RAB36: variants seen among roughly 807,000 people sequenced by gnomAD.
RAB36 encodes RAB36, member RAS oncogene family.
RAB36 carries 33 observed loss-of-function variants against 39.3 expected under a neutral mutation model. That is an observed-to-expected ratio of 0.84 (90% CI 0.64 to 1.12). RAB36 has a LOEUF of 1.12. RAB36 is among the 50% of genes most tolerant of loss of function. RAB36 has a pLI of 0.00. For missense variants in RAB36, 308 were observed against 355.3 expected (o/e 0.87, Z 1.07); for synonymous variants, 133 against 140.2 (o/e 0.95, Z 0.36).
At position 23,163,002 on chromosome 22, in the gene RAB36, C is replaced by A. The variant is rs2071896914; in HGVS notation, c.*1438C>A. The A allele has an allele frequency of 3.3e-6, 1 of 302,310 alleles. No homozygotes were observed. Among genetic ancestry groups the A allele is most frequent in the Admixed American group, 4.5e-5 (1 of 22,338 alleles). 18.7% of individuals were successfully genotyped at this position (302,310 alleles called of 1,614,324 possible). A position where few individuals can be genotyped will look rare whatever the true frequency, so the allele number is the denominator to read the frequency against. On this transcript the variant is annotated 3_prime_UTR_variant, in exon 11 of 11. Transcript: ENST00000263116. ...TCTCGGCTCAGTGCAACCTCTGCCTCCCAGGTTGAAGCGATTCTCCTGCCT... is the reference window on the plus strand; with the variant it reads ...TCTCGGCTCAGTGCAACCTCTGCCTACCAGGTTGAAGCGATTCTCCTGCCT...
downstream of RAB36, among the ~76,000 whole-genome samples, chr22:23,168,498 A>T (rs1601969489): frequency 9.5e-6 from 1 of 105,614 alleles, no homozygotes; most frequent in African/African-American, 4.1e-5. Flanking sequence ...GCTCCCCGCC[A>T]CACACACACA....
intron 3 of RAB36, among the ~76,000 whole-genome samples, chr22:23,151,377 G>A (rs756069215): frequency 3.3e-5 from 5 of 152,180 alleles, no homozygotes; most frequent in African/African-American, 4.8e-5. Context: ...GAGAAATGGA[G>A]TCAGAACGAA....
chr22:23,147,487 T>C (rs1489051581), intron 2 of RAB36, among the ~76,000 whole-genome samples: 1 of 152,076 alleles, frequency 6.6e-6, no homozygotes, highest in Non-Finnish European at 1.5e-5. Flanking sequence ...TGTGCTACCA[T>C]GCCTGGCTAA....
intron 1 of RAB36, chr22:23,145,932 C>T (rs1260507536): frequency 1.0e-6 from 1 of 974,710 alleles, no homozygotes; most frequent in Non-Finnish European, 1.2e-6. Flanking sequence ...GGCCCCCAGG[C>T]CCACCTAGAG....
intron 10 of RAB36, 30 bp from the exon 11 acceptor site, chr22:23,161,470 G>T (rs368186190): frequency 6.4e-7 from 1 of 1,570,948 alleles, no homozygotes; most frequent in South Asian, 1.1e-5. Flanking sequence ...ATTCCTGGTT[G>T]ATGCTAAATT....
rs5844548 is a variant in RAB36, at chr22:23,162,914, C to CTT, written c.*1363_*1364dup. ...TTTTTGTAGTTTTTTATATAAATGACTTTTTTTTTTTTTTGAGATGGAGTT... is the reference window on the plus strand; with the variant it reads ...TTTTTGTAGTTTTTTATATAAATGACTTTTTTTTTTTTTTTTGAGATGGAGTT... On this transcript the variant is annotated 3_prime_UTR_variant, in exon 11 of 11. Transcript: ENST00000263116. 0.021 allele frequency: 6,411 copies of CTT among 301,392 alleles called. 7 individuals carry two copies. Among genetic ancestry groups the CTT allele is most frequent in the South Asian group, 0.039 (1,399 of 35,818 alleles). The allele number at this position is 301,392 out of a possible 1,614,324, so 18.7% of individuals were successfully genotyped here.
chr22:23,167,889 G>A (rs191118934), downstream of RAB36, among the ~76,000 whole-genome samples: 12 of 151,940 alleles, frequency 7.9e-5, no homozygotes, highest in Admixed American at 6.6e-4. Context: ...GTCTCGCATT[G>A]TTACCCAGGC....
chr22:23,156,168 C>T, intron 6 of RAB36, 136 bp downstream of exon 6: 2 of 521,048 alleles, frequency 3.8e-6, no homozygotes, highest in South Asian at 4.8e-5. Flanking sequence ...AACACCAGGC[C>T]ACTGCTTGGG....
chr22:23,151,942 C>T (rs556696497), intron 3 of RAB36, among the ~76,000 whole-genome samples: 2 of 152,322 alleles, frequency 1.3e-5, no homozygotes, highest in African/African-American at 4.8e-5. Flanking sequence ...GAGCAGGGCA[C>T]GGTGGTGTCA....
At chr22:23,153,986 G>C (rs2071314594) in intron 5 of RAB36, among the ~76,000 whole-genome samples, 2 of 152,006 alleles carry the variant, frequency 1.3e-5, no homozygotes, top group Non-Finnish European at 2.9e-5. Context: ...ACCGTACCCG[G>C]CCCACTTCTG....
intron 4 of RAB36, 122 bp downstream of exon 4, chr22:23,152,648 C>CCT (rs1330048632): frequency 1.1e-6 from 1 of 928,486 alleles, no homozygotes; most frequent in African/African-American, 1.6e-5. Flanking sequence ...AACTGCTGTG[C>CCT]CTCAGCCTGC....
chr22:23,148,415 C>T lies in RAB36; in HGVS notation c.70-1648C>T, dbSNP rs570457511. 1.8e-3 allele frequency among the ~76,000 whole-genome samples: 267 copies of T among 152,304 alleles called. 1 individual carries two copies. The highest frequency in any genetic ancestry group is 5.8e-3 in the African/African-American group (243 of 41,572). On this transcript the variant is annotated intron_variant, in intron 2 of 10. Transcript: ENST00000263116. ...TGAAGAACCTCATTGGCAGAGCAGA[C>T]GGCGAGGATCAGAGTTAAGGAGGGT...
chr22:23,146,799 G>A, intron 2 of RAB36, 114 bp downstream of exon 2: 1 of 1,447,130 alleles, frequency 6.9e-7, no homozygotes, highest in Non-Finnish European at 9.1e-7. Flanking sequence ...TCTGTCCATT[G>A]TCAGATTTAC....
rs2146607016 is a variant in RAB36 at position 23,162,537 on chromosome 22, G to T, written c.*973G>T. Reference sequence around the variant, plus strand: ...GACTTCAGAGGCCCTGCCAAGTCTAGCATGTTCCTGTCTCCAACACCGCCT... The same window carrying T: ...GACTTCAGAGGCCCTGCCAAGTCTATCATGTTCCTGTCTCCAACACCGCCT... On this transcript the variant is annotated 3_prime_UTR_variant, in exon 11 of 11. Coordinates refer to ENST00000263116, the MANE Select transcript of RAB36 (RefSeq NM_004914.5). 2.3e-6 allele frequency: 1 copy of T among 430,526 alleles called. No individual in the cohort carries two copies. Among genetic ancestry groups the T allele is most frequent in the South Asian group, 1.7e-5 (1 of 60,246 alleles). 26.7% of individuals were successfully genotyped at this position (430,526 alleles called of 1,614,324 possible).
Position 23,163,776 on chromosome 22 carries a change from G to T in RAB36, c.*2212G>T, listed in dbSNP as rs762547521. The T allele has an allele frequency of 6.6e-6, 1 of 152,288 alleles. No individual in the cohort carries two copies. Among genetic ancestry groups the T allele is most frequent in the African/African-American group, 2.4e-5 (1 of 41,554 alleles). 9.4% of individuals were successfully genotyped at this position (152,288 alleles called of 1,614,324 possible). A position where few individuals can be genotyped will look rare whatever the true frequency, so the allele number is the denominator to read the frequency against. On this transcript the variant is annotated 3_prime_UTR_variant, in exon 11 of 11. Coordinates refer to ENST00000263116, the MANE Select transcript of RAB36 (RefSeq NM_004914.5). ...TTTGCCTGCACAGCTAGTGTTGATGGCTTGTTTGTTGTTTTCACCAGAGTG... is the reference window on the plus strand; with the variant it reads ...TTTGCCTGCACAGCTAGTGTTGATGTCTTGTTTGTTGTTTTCACCAGAGTG...
rs762084039 is a variant in RAB36 at position 23,145,498 on chromosome 22, G to A, written c.-66G>A. 2.2e-5 allele frequency: 36 copies of A among 1,606,818 alleles called. 1 individual carries two copies. In the East Asian group the frequency reaches 2.7e-4, roughly 12 times the overall value. ...TCTCGTTGCCATGGTGATCGCCGCC[G>A]CTGGCTCAGGCGGACCAGGCCGCGC... is the stretch of plus-strand genomic sequence containing the variant. On this transcript the variant is annotated 5_prime_UTR_variant, in exon 1 of 11. Transcript: ENST00000263116.
rs2071428789 is a variant in RAB36, at chr22:23,156,035, G to A, written c.394+3G>A. 1.2e-6 allele frequency: 2 copies of A among 1,611,234 alleles called. No homozygotes were observed. Among genetic ancestry groups the A allele is most frequent in the Non-Finnish European group, 1.7e-6 (2 of 1,178,644 alleles). Reference sequence around the variant, plus strand: ...TGCCTACTACCGGGGTGCCCAGGGTGAGCAACATGCCACGTCGGGGCTCAA... The same window carrying A: ...TGCCTACTACCGGGGTGCCCAGGGTAAGCAACATGCCACGTCGGGGCTCAA... On this transcript the variant is annotated splice_donor_region_variant and intron_variant, in intron 6 of 10. Transcript: ENST00000263116.
At chr22:23,149,375 AG>A (rs1450292867) in intron 2 of RAB36, among the ~76,000 whole-genome samples, 1 of 151,998 alleles carries the variant, frequency 6.6e-6, no homozygotes, top group Non-Finnish European at 1.5e-5. Context: ...AGACCAGGTG[AG>A]GGTGGGTGGG....
At chr22:23,153,253 T>C in intron 5 of RAB36, 119 bp downstream of exon 5, 2 of 770,996 alleles carry the variant, frequency 2.6e-6, no homozygotes, top group African/African-American at 3.5e-5. Flanking sequence ...AAGCAGAGCC[T>C]GGGGGTGTTG....
Sources: gnomAD v4.1 joint callset for allele counts (sites outside exome capture counted in the v4.1 genomes callset) on GRCh38, gnomAD v4.1.1 for gene constraint, MANE v1.5 for transcripts, NCBI Gene and HGNC (gene_info 2026-07-23, HGNC 2026-07-21) for gene names.